Variants in MKLN1 observed in about 807,000 individuals in gnomAD.
The protein encoded by MKLN1 is muskelin.
MKLN1 carries 18 observed loss-of-function variants against 99.0 expected under a neutral mutation model. The observed-to-expected ratio is 0.18, with a 90% CI of 0.13 to 0.27. The LOEUF is 0.27. MKLN1 is among the 10% of genes least tolerant of loss of function. The probability of loss-of-function intolerance (pLI) is 1.00; values close to 1 mark genes in which losing one functional copy is unlikely to be tolerated. For synonymous variants in MKLN1, 288 were observed against 293.2 expected, an observed-to-expected ratio of 0.98 and a Z score of 0.18; for missense variants, 621 against 875.9, an observed-to-expected ratio of 0.71 and a Z score of 3.67.
chr7:131,212,695 G>C (rs1284342561), intron 3 of MKLN1, among the ~76,000 whole-genome samples: 1 of 152,136 alleles, frequency 6.6e-6, no homozygotes, highest in Non-Finnish European at 1.5e-5. Context: ...AGGCCGAGGA[G>C]GGTGGATCAC....
intron 3 of MKLN1, among the ~76,000 whole-genome samples, chr7:131,262,768 C>T (rs1436564547): frequency 4.6e-5 from 7 of 152,012 alleles, no homozygotes; most frequent in Non-Finnish European, 1.0e-4. Context: ...CCAGGATGGT[C>T]TCCATCTGAC....
At chr7:131,401,043 T>C (rs1201989089) in intron 6 of MKLN1, among the ~76,000 whole-genome samples, 1 of 152,122 alleles carries the variant, frequency 6.6e-6, no homozygotes, top group Non-Finnish European at 1.5e-5. Context: ...GTGCAGAGTT[T>C]TTTGGCTTCT....
At chr7:131,349,190 C>T (rs1490137601) in intron 1 of MKLN1, among the ~76,000 whole-genome samples, 2 of 111,736 alleles carry the variant, frequency 1.8e-5, no homozygotes, top group African/African-American at 7.0e-5. Context: ...AGTTTGATCT[C>T]TTAAATCTAT....
At chr7:131,480,069 C>T (rs1046284628) in intron 17 of MKLN1, among the ~76,000 whole-genome samples, 2 of 149,786 alleles carry the variant, frequency 1.3e-5, no homozygotes, top group African/African-American at 4.9e-5. Context: ...AGTGGGTGGT[C>T]TCTAGAACCC....
chr7:131,151,796 T>C (rs1795891934), intron 2 of MKLN1, among the ~76,000 whole-genome samples: 1 of 152,182 alleles, frequency 6.6e-6, no homozygotes, highest in Non-Finnish European at 1.5e-5. Context: ...TTTAAATTTA[T>C]GCACGCATAC....
chr7:131,182,003 G>A (rs971701886), intron 2 of MKLN1, among the ~76,000 whole-genome samples: 6 of 152,054 alleles, frequency 3.9e-5, no homozygotes, highest in African/African-American at 1.2e-4. Flanking sequence ...GTGTGGTGGT[G>A]CGTGCCTGTA....
chr7:131,131,959 A>G (rs1162120214), intron 1 of MKLN1, among the ~76,000 whole-genome samples: 1 of 152,200 alleles, frequency 6.6e-6, no homozygotes, highest in Non-Finnish European at 1.5e-5. Flanking sequence ...AGATCACATG[A>G]CATGTTCTAG....
chr7:131,169,901 G>A (rs1005147751), intron 2 of MKLN1, among the ~76,000 whole-genome samples: 2 of 152,176 alleles, frequency 1.3e-5, no homozygotes, highest in Non-Finnish European at 1.5e-5. Flanking sequence ...CGGTGTTCTT[G>A]TATGCCTGCT....
At chr7:131,455,258 T>G (rs1218296596) in intron 12 of MKLN1, among the ~76,000 whole-genome samples, 1 of 152,214 alleles carries the variant, frequency 6.6e-6, no homozygotes, top group Non-Finnish European at 1.5e-5. Context: ...AACTTTTTTT[T>G]TATCCCCCCT....
intron 2 of MKLN1, among the ~76,000 whole-genome samples, chr7:131,148,272 A>T (rs1381574989): frequency 6.6e-6 from 1 of 152,182 alleles, no homozygotes; most frequent in Non-Finnish European, 1.5e-5. Flanking sequence ...CTTGTTACTC[A>T]TAGGAACTAG....
At chr7:131,249,698 A>G (rs1376206234) in intron 3 of MKLN1, among the ~76,000 whole-genome samples, 1 of 152,062 alleles carries the variant, frequency 6.6e-6, no homozygotes, top group Non-Finnish European at 1.5e-5. Flanking sequence ...AAGGGAGGAG[A>G]AAGGGCCCTC....
Position 131,487,434 on chromosome 7 carries a change from C to CT in MKLN1, c.2087-172dup, listed in dbSNP as rs1277946064. Among the ~76,000 whole-genome samples, 3 of 152,146 alleles carry CT rather than the reference C, an allele frequency of 2.0e-5. No homozygotes were observed. Among genetic ancestry groups the CT allele is most frequent in the Non-Finnish European group, 4.4e-5 (3 of 68,014 alleles). ...AAGCCAGAAAGTCTGACTAATTTAT[C>CT]TAAGATCACACCACAGCCAGGTAGT... On this transcript the variant is annotated intron_variant, in intron 17 of 17. Coordinates refer to ENST00000352689, the MANE Select transcript of MKLN1 (RefSeq NM_013255.5). The surrounding 1 kb of genome is among the most constrained non-coding windows in gnomAD (Gnocchi z 4.7).
intron 1 of MKLN1, among the ~76,000 whole-genome samples, chr7:131,370,347 T>C (rs1563315277): frequency 6.6e-6 from 1 of 152,044 alleles, no homozygotes; most frequent in Non-Finnish European, 1.5e-5. Context: ...CCTTTCTGTT[T>C]ATAATTATGG....
At chr7:131,322,938 GA>G (rs1563291878), upstream of MKLN1, among the ~76,000 whole-genome samples, 1 of 152,134 alleles carries the variant, frequency 6.6e-6, no homozygotes, top group East Asian at 1.9e-4. Context: ...CAGCATGGGG[GA>G]AACTGCCTCC....
intron 17 of MKLN1, among the ~76,000 whole-genome samples, chr7:131,483,482 C>T (rs1348243207): frequency 2.0e-5 from 3 of 152,166 alleles, no homozygotes; most frequent in Admixed American, 1.3e-4. Context: ...TATATAACCA[C>T]GTATTATGTG....
At chr7:131,456,602 G>T (rs1216634550) in intron 12 of MKLN1, among the ~76,000 whole-genome samples, 1 of 152,198 alleles carries the variant, frequency 6.6e-6, no homozygotes, top group Admixed American at 6.5e-5. Context: ...CATGTGGACT[G>T]ACCATCTGTT....
chr7:131,252,115 A>G (rs1360752207), intron 3 of MKLN1, among the ~76,000 whole-genome samples: 1 of 152,078 alleles, frequency 6.6e-6, no homozygotes, highest in East Asian at 1.9e-4. Flanking sequence ...TTCACAAATT[A>G]TATATAGGCC....
chr7:131,280,632 GTTTTT>G (rs200640415), intron 3 of MKLN1, among the ~76,000 whole-genome samples: 1 of 145,230 alleles, frequency 6.9e-6, no homozygotes, highest in African/African-American at 2.5e-5. Flanking sequence ...ATTCATCCAT[GTTTTT>G]TTTTTCTTTT....
intron 3 of MKLN1, among the ~76,000 whole-genome samples, chr7:131,296,146 A>G (rs951324839): frequency 6.6e-6 from 1 of 152,174 alleles, no homozygotes; most frequent in Non-Finnish European, 1.5e-5. Flanking sequence ...AATTTCATTG[A>G]AAGGAATTTA....
Sources: allele counts gnomAD v4.1 joint callset (sites outside exome capture counted in the v4.1 genomes callset), GRCh38; gene constraint gnomAD v4.1.1; non-coding constraint Gnocchi (gnomAD v3.1); transcripts MANE v1.5; gene names NCBI Gene and HGNC (gene_info 2026-07-23, HGNC 2026-07-21).